The following NVL variants were observed in gnomAD, a reference collection of about 807,000 sequenced individuals.
NVL encodes the protein nuclear VCP like.
Under a neutral mutation model 110.2 loss-of-function variants are expected in NVL, and 84 were observed. That is an observed-to-expected ratio of 0.76 (90% CI 0.64 to 0.91). NVL has a LOEUF of 0.91. Among genes scored for constraint, NVL ranks in the 40% least tolerant of loss-of-function variants. NVL has a pLI of 0.00. For missense variants in NVL, 882 were observed against 1,035.9 expected, an observed-to-expected ratio of 0.85 and a Z score of 2.04; for synonymous variants, 354 against 361.1, an observed-to-expected ratio of 0.98 and a Z score of 0.22.
intron 19 of NVL, among the ~76,000 whole-genome samples, chr1:224,242,487 C>CTTTTTTT (rs11385074): frequency 1.0e-4 from 13 of 128,316 alleles, no homozygotes; most frequent in African/African-American, 1.5e-4. Context: ...CAAATCTATT[C>CTTTTTTT]TTTTTTTTTT....
At chr1:224,309,187 G>A (rs1669272242) in intron 5 of NVL, among the ~76,000 whole-genome samples, 1 of 151,870 alleles carries the variant, frequency 6.6e-6, no homozygotes, top group African/African-American at 2.4e-5. Flanking sequence ...GTATGAAAAT[G>A]AGCTGGTTGC....
chr1:224,326,060 A>AT (rs1202220883), intron 2 of NVL, among the ~76,000 whole-genome samples: 1 of 152,190 alleles, frequency 6.6e-6, no homozygotes, highest in East Asian at 1.9e-4. Context: ...AAGTGTTGAG[A>AT]TTACAGGCAT....
intron 19 of NVL, among the ~76,000 whole-genome samples, chr1:224,246,684 A>C (rs975858359): frequency 6.6e-6 from 1 of 152,222 alleles, no homozygotes; most frequent in Admixed American, 6.5e-5. Flanking sequence ...GTATATACAT[A>C]CACATCCACA....
chr1:224,294,232 T>C (rs774446664), intron 12 of NVL, 35 bp downstream of exon 12: 1 of 1,609,718 alleles, frequency 6.2e-7, no homozygotes, highest in Non-Finnish European at 8.5e-7. Flanking sequence ...TAAGATGACT[T>C]AGTGGCATAC....
chr1:224,244,053 A>G (rs1289304515), intron 19 of NVL, among the ~76,000 whole-genome samples: 1 of 151,966 alleles, frequency 6.6e-6, no homozygotes, highest in East Asian at 1.9e-4. Context: ...TGACACTTAA[A>G]AGGAAGTAGA....
intron 1 of NVL, among the ~76,000 whole-genome samples, chr1:224,329,796 C>T (rs1222724843): frequency 1.3e-5 from 2 of 152,204 alleles, no homozygotes; most frequent in East Asian, 1.9e-4. Context: ...CTCCACTCTA[C>T]TGAATGATCT....
At chr1:224,229,826 TTC>T in intron 22 of NVL, among the ~76,000 whole-genome samples, 1 of 152,236 alleles carries the variant, frequency 6.6e-6, no homozygotes, top group East Asian at 1.9e-4. Flanking sequence ...GTGTTTTTTC[TTC>T]TGTGTTTATT....
chr1:224,228,924 C>CAAAAAAAAAA (rs368485856), intron 22 of NVL, among the ~76,000 whole-genome samples: 1 of 81,686 alleles, frequency 1.2e-5, no homozygotes, highest in Admixed American at 1.8e-4. Flanking sequence ...GACTCCGTCT[C>CAAAAAAAAAA]AAAAAAAAAA....
In NVL at chr1:224,286,058, G is replaced by T. The variant is rs556124314; in HGVS notation, c.1867C>A (p.Pro623Thr). 1.2e-6 allele frequency: 2 copies of T among 1,613,926 alleles called. No homozygotes were observed. The highest frequency in any genetic ancestry group is 2.7e-5 in the African/African-American group (2 of 75,000). Residue 623 changes from proline (P) to threonine (T), a missense_variant, in exon 15 of 23, where the codon CCT becomes ACT. This residue lies in a region of NVL where 416 missense variants were observed against 499.3 expected (regional missense o/e 0.83). Transcript: ENST00000281701. ...AGCAGAGTCTTCCCACAGCCAGGAG[G>T]ACCAGCAAGGAGGACCCCAGCTGGA... ...VTPAGVLLAG[P>T]PGCGKTLLAK...
intron 21 of NVL, among the ~76,000 whole-genome samples, chr1:224,231,727 G>A (rs1659894115): frequency 6.6e-6 from 1 of 152,048 alleles, no homozygotes; most frequent in Non-Finnish European, 1.5e-5. Context: ...CTCAGCACTG[G>A]TTTAGAAGGG....
At chr1:224,286,592 G>C (rs1254233899) in intron 14 of NVL, among the ~76,000 whole-genome samples, 2 of 152,182 alleles carry the variant, frequency 1.3e-5, no homozygotes, top group Non-Finnish European at 2.9e-5. Flanking sequence ...GTGATAAAGA[G>C]AAAAGTCCCT....
At chr1:224,242,571 G>A (rs1442705516) in intron 19 of NVL, among the ~76,000 whole-genome samples, 1 of 146,102 alleles carries the variant, frequency 6.8e-6, no homozygotes, top group Non-Finnish European at 1.5e-5. Flanking sequence ...AGGTTCAAGC[G>A]ATTCTCCTGC....
intron 18 of NVL, among the ~76,000 whole-genome samples, chr1:224,262,756 G>C (rs1183759928): frequency 6.6e-6 from 1 of 151,994 alleles, no homozygotes; most frequent in Non-Finnish European, 1.5e-5. Context: ...CAAAGCAAAA[G>C]AAAAAAATGA....
Position 224,313,179 on chromosome 1 carries a change from A to AAAAAAAAAAAAAAAAAAG in NVL, c.285-1323_285-1322insCTTTTTTTTTTTTTTTTT, listed in dbSNP as rs1553335858. 1.2e-5 allele frequency: 2 copies of AAAAAAAAAAAAAAAAAAG among 169,610 alleles called. 1 individual carries two copies. The highest frequency in any genetic ancestry group is 2.5e-5 in the Non-Finnish European group (2 of 79,856). 10.5% of individuals were successfully genotyped at this position (169,610 alleles called of 1,614,324 possible). A position where few individuals can be genotyped will look rare whatever the true frequency, so the allele number is the denominator to read the frequency against. On this transcript the variant is annotated intron_variant, in intron 4 of 22. Coordinates refer to ENST00000281701, the MANE Select transcript of NVL (RefSeq NM_002533.4). ...GTCTCAAAAAAAAAAAAAAAAAAAA[A>AAAAAAAAAAAAAAAAAAG]ACAAGCAAATTCTGTATTCATTAAA...
intron 18 of NVL, among the ~76,000 whole-genome samples, chr1:224,253,395 T>C (rs1160412218): frequency 1.3e-5 from 2 of 151,962 alleles, no homozygotes; most frequent in African/African-American, 2.4e-5. Flanking sequence ...AAGTGTAAGA[T>C]ACCAGTAGTA....
intron 2 of NVL, among the ~76,000 whole-genome samples, chr1:224,322,064 A>G (rs1007480505): frequency 1.3e-5 from 2 of 151,982 alleles, no homozygotes; most frequent in Non-Finnish European, 2.9e-5. Flanking sequence ...GGGGATAGAA[A>G]CAATCTTAGT....
chr1:224,325,473 T>C (rs1671058845), intron 2 of NVL, among the ~76,000 whole-genome samples: 2 of 147,240 alleles, frequency 1.4e-5, no homozygotes, highest in South Asian at 4.3e-4. Flanking sequence ...GTGGCTCACG[T>C]CTGTAATCCC....
chr1:224,231,744 A>G (rs1053740251), intron 21 of NVL, among the ~76,000 whole-genome samples: 2 of 152,052 alleles, frequency 1.3e-5, no homozygotes, highest in Non-Finnish European at 2.9e-5. Flanking sequence ...AGGGAGCTTT[A>G]GGTCGGGCGC....
At chr1:224,311,972 A>C in intron 4 of NVL, 115 bp from the exon 5 acceptor site, 3 of 739,310 alleles carry the variant, frequency 4.1e-6, no homozygotes, top group Non-Finnish European at 6.8e-6. Context: ...TTAAGAGTCC[A>C]AACTCTGGAA....
Sources: allele counts gnomAD v4.1 joint callset (sites outside exome capture counted in the v4.1 genomes callset), GRCh38; gene constraint gnomAD v4.1.1; regional missense constraint gnomAD v4.1.1; transcripts MANE v1.5; gene names NCBI Gene and HGNC (gene_info 2026-07-23, HGNC 2026-07-21).